Variants in PTPRN2 observed in about 807,000 individuals in gnomAD.
PTPRN2 encodes receptor-type tyrosine-protein phosphatase N2.
PTPRN2 carries 74 observed loss-of-function variants against 118.8 expected under a neutral mutation model. The observed-to-expected ratio is 0.62, with a 90% confidence interval of 0.52 to 0.76. The LOEUF (loss-of-function observed/expected upper bound fraction) is 0.76, where lower values mean the gene tolerates loss of function less well. Ranked by LOEUF, PTPRN2 falls within the 30% of genes least tolerant of loss-of-function variation. PTPRN2 has a pLI of 0.00. For missense variants in PTPRN2, 1,481 were observed against 1,394.4 expected (o/e 1.06, Z -0.99); for synonymous variants, 641 against 608.0 (o/e 1.05, Z -0.80).
At chr7:158,475,760 C>T (rs547715467) in intron 2 of PTPRN2, among the ~76,000 whole-genome samples, 51 of 152,284 alleles carry the variant, frequency 3.3e-4, no homozygotes, top group African/African-American at 1.0e-3. Flanking sequence ...ACCTGGAGAC[C>T]GTCTTGGTTA....
intron 2 of PTPRN2, among the ~76,000 whole-genome samples, chr7:158,337,587 C>T (rs1380710020): frequency 7.2e-6 from 1 of 137,944 alleles, no homozygotes; most frequent in Admixed American, 7.0e-5. Flanking sequence ...CACCTGCAGA[C>T]GTCACTCACA....
intron 21 of PTPRN2, among the ~76,000 whole-genome samples, chr7:157,562,631 C>G (rs144502327): frequency 6.6e-6 from 1 of 152,234 alleles, no homozygotes; most frequent in Non-Finnish European, 1.5e-5. Flanking sequence ...TCGACAAAGA[C>G]GTTCTGCTGT....
intron 11 of PTPRN2, among the ~76,000 whole-genome samples, chr7:157,943,519 A>T (rs1800274348): frequency 6.6e-6 from 1 of 151,648 alleles, no homozygotes; most frequent in Admixed American, 6.6e-5. Flanking sequence ...CTGCTCCTGG[A>T]CCTGTTGGTT....
rs140013252 is a variant in PTPRN2, at chr7:157,539,795, A to G, written c.*919T>C. On this transcript the variant is annotated 3_prime_UTR_variant, in exon 23 of 23. Transcript: ENST00000389418. Reference sequence around the variant, plus strand: ...AAATGTCCCCTCTCTGGGGCCCCACAGGTCCGGGACGTGCCTGGAGGAGCC... The same window carrying G: ...AAATGTCCCCTCTCTGGGGCCCCACGGGTCCGGGACGTGCCTGGAGGAGCC... 1,639 of 152,310 alleles carry G rather than the reference A, an allele frequency of 0.011. 15 individuals carry two copies. The highest frequency in any genetic ancestry group is 0.016 in the Non-Finnish European group (1,116 of 68,046). The allele number at this position is 152,310 out of a possible 1,614,324, so 9.4% of individuals were successfully genotyped here.
In PTPRN2 at chr7:157,964,110, G is replaced by A. The variant is rs182092166; in HGVS notation, c.1724-65373C>T. On this transcript the variant is annotated intron_variant, in intron 11 of 22. Transcript: ENST00000389418. The surrounding 1 kb of genome is among the most constrained non-coding windows in gnomAD (Gnocchi z 9.0). ...AGGCTGTTGAGGGCACGACCACCTC[G>A]CAGTGACCTCCCTCTGTGTGGGACC... 9.1e-4 allele frequency among the ~76,000 whole-genome samples: 139 copies of A among 152,228 alleles called. No homozygotes were observed. The highest frequency in any genetic ancestry group is 3.4e-3 in the Middle Eastern group (1 of 294).
chr7:157,580,054 A>G (rs1800265403), intron 17 of PTPRN2, among the ~76,000 whole-genome samples: 1 of 152,242 alleles, frequency 6.6e-6, no homozygotes, highest in Non-Finnish European at 1.5e-5. Flanking sequence ...TAAAAATCCC[A>G]GTCGAGTAAG....
chr7:158,281,786 T>C (rs1050669619), intron 3 of PTPRN2, among the ~76,000 whole-genome samples: 3 of 152,190 alleles, frequency 2.0e-5, no homozygotes, highest in Non-Finnish European at 4.4e-5. Context: ...AGAAAGGAAG[T>C]TTCTTGACAA....
intron 10 of PTPRN2, among the ~76,000 whole-genome samples, chr7:158,086,322 G>T (rs1004626372): frequency 6.6e-6 from 1 of 152,136 alleles, no homozygotes; most frequent in Non-Finnish European, 1.5e-5. Flanking sequence ...CAGACACACA[G>T]CCTGGCGTCC....
At chr7:158,573,418 G>A (rs1188173649) in intron 1 of PTPRN2, among the ~76,000 whole-genome samples, 1 of 152,192 alleles carries the variant, frequency 6.6e-6, no homozygotes, top group Non-Finnish European at 1.5e-5. Context: ...AAAATAAAGA[G>A]TCAGCATAGG....
intron 3 of PTPRN2, among the ~76,000 whole-genome samples, chr7:158,312,212 ACGTGC>A: frequency 3.4e-5 from 5 of 145,582 alleles, no homozygotes; most frequent in Admixed American, 3.4e-4. Context: ...ATGCACACAC[ACGTGC>A]TCACAGACAC....
chr7:157,754,746 G>A (rs1801682877), intron 12 of PTPRN2, among the ~76,000 whole-genome samples: 1 of 152,234 alleles, frequency 6.6e-6, no homozygotes, highest in Non-Finnish European at 1.5e-5. Context: ...TTTCTTTGTA[G>A]TTATTGGGAT....
chr7:158,057,767 C>A (rs559257207), intron 11 of PTPRN2, among the ~76,000 whole-genome samples: 4 of 152,170 alleles, frequency 2.6e-5, no homozygotes, highest in Non-Finnish European at 4.4e-5. Context: ...TGCTTGGGAC[C>A]CCTCATCTGC....
At chr7:158,217,579 T>C (rs1470854946) in intron 3 of PTPRN2, among the ~76,000 whole-genome samples, 1 of 152,120 alleles carries the variant, frequency 6.6e-6, no homozygotes, top group Non-Finnish European at 1.5e-5. Flanking sequence ...ATGAACACAC[T>C]AGCTACCCAG....
intron 18 of PTPRN2, 125 bp downstream of exon 18, chr7:157,577,896 T>G: frequency 3.2e-6 from 4 of 1,233,394 alleles, no homozygotes; most frequent in South Asian, 2.1e-5. Flanking sequence ...CCCCTGAACA[T>G]GGGGTGCGCT....
chr7:158,142,993 G>C (rs1190470966), intron 6 of PTPRN2, among the ~76,000 whole-genome samples: 1 of 152,272 alleles, frequency 6.6e-6, no homozygotes, highest in East Asian at 1.9e-4. Context: ...AGAATCAGAA[G>C]AGCCATCTCA....
chr7:157,805,257 C>T (rs1805552637), intron 12 of PTPRN2, among the ~76,000 whole-genome samples: 1 of 151,166 alleles, frequency 6.6e-6, no homozygotes, highest in African/African-American at 2.4e-5. Flanking sequence ...CTTGTTGTTT[C>T]TTTAAGAAGC....
intron 11 of PTPRN2, among the ~76,000 whole-genome samples, chr7:157,970,014 G>A (rs1026477640): frequency 7.9e-5 from 12 of 152,058 alleles, no homozygotes; most frequent in African/African-American, 2.9e-4. Context: ...ATGAGTCCAG[G>A]AAAAACATCA....
At position 157,898,730 on chromosome 7, in the gene PTPRN2, G is replaced by C. The variant is rs1563219983; in HGVS notation, c.1731C>G (p.Asn577Lys). ...TEDVEKATVDNKDKLEETSGL... is the reference protein window; with the variant it reads ...TEDVEKATVDKKDKLEETSGL... ...CAGAGGTTTCCTCCAGTTTGTCTTT[G>C]TTGTCAACTGTTAGGAAAAATCAGA... The change falls in exon 12 of 23, where the codon AAC (asparagine) becomes AAG (lysine). Residue 577 changes from asparagine to lysine, a missense_variant. Physicochemically the swap from Asn to Lys is moderately conservative, Grantham distance 94. Coordinates refer to ENST00000389418, the MANE Select transcript of PTPRN2 (RefSeq NM_002847.5). 1 of 1,604,500 alleles carries C rather than the reference G, an allele frequency of 6.2e-7. No homozygotes were observed.
intron 13 of PTPRN2, among the ~76,000 whole-genome samples, chr7:157,677,354 G>A (rs1260419882): frequency 6.6e-6 from 1 of 152,092 alleles, no homozygotes; most frequent in Non-Finnish European, 1.5e-5. Context: ...TGTCTGATGG[G>A]GGGAGTGGCT....
Sources: allele counts gnomAD v4.1 joint callset (sites outside exome capture counted in the v4.1 genomes callset), GRCh38; gene constraint gnomAD v4.1.1; non-coding constraint Gnocchi (gnomAD v3.1); transcripts MANE v1.5; gene names NCBI Gene and HGNC (gene_info 2026-07-23, HGNC 2026-07-21).